The following EYA4 variants were observed in gnomAD, a reference collection of about 807,000 sequenced individuals.
The protein encoded by EYA4 is protein phosphatase EYA4.
A neutral mutation model predicts 87.9 loss-of-function variants in EYA4; 31 were observed. The ratio of observed to expected loss-of-function variants is 0.35; its 90% CI spans 0.27 to 0.48. The LOEUF is 0.48. Ranked by LOEUF, EYA4 falls within the 20% of genes least tolerant of loss-of-function variation. EYA4 has a pLI of 0.99. For synonymous variants in EYA4, 263 were observed against 270.6 expected, an observed-to-expected ratio of 0.97 and a Z score of 0.28; for missense variants, 678 against 761.4, an observed-to-expected ratio of 0.89 and a Z score of 1.29.
chr6:133,320,723 T>A (rs1172586564), intron 2 of EYA4, among the ~76,000 whole-genome samples: 4 of 152,170 alleles, frequency 2.6e-5, no homozygotes, highest in Non-Finnish European at 5.9e-5. Flanking sequence ...TAATTTCATC[T>A]TTATGTTCAT....
chr6:133,354,418 T>G (rs567443213), intron 2 of EYA4, among the ~76,000 whole-genome samples: 90 of 152,262 alleles, frequency 5.9e-4, no homozygotes, highest in African/African-American at 1.8e-3. Flanking sequence ...TTAGTAATAA[T>G]AGAGGAAGAA....
At chr6:133,364,009 T>G (rs928847397) in intron 2 of EYA4, among the ~76,000 whole-genome samples, 4 of 152,234 alleles carry the variant, frequency 2.6e-5, no homozygotes, top group Middle Eastern at 6.3e-3. Flanking sequence ...CTGCCTCACT[T>G]ATGGATCAGC....
At chr6:133,439,196 A>G (rs1448077147) in intron 3 of EYA4, 1 of 151,758 alleles carries the variant, frequency 6.6e-6, no homozygotes, top group Non-Finnish European at 1.5e-5. Flanking sequence ...TTTTGAGCTC[A>G]TCTTTGTTCT....
intron 2 of EYA4, among the ~76,000 whole-genome samples, chr6:133,296,242 G>T (rs1202370260): frequency 6.6e-6 from 1 of 152,216 alleles, no homozygotes; most frequent in East Asian, 1.9e-4. Flanking sequence ...GTTGGGGAGA[G>T]AGTAGAGCAC....
intron 13 of EYA4, among the ~76,000 whole-genome samples, chr6:133,488,082 C>T (rs1796832510): frequency 6.6e-6 from 1 of 152,154 alleles, no homozygotes; most frequent in African/African-American, 2.4e-5. Flanking sequence ...GAATGAACAT[C>T]TGTGATAGCT....
chr6:133,328,527 T>C (rs374710089), intron 2 of EYA4, among the ~76,000 whole-genome samples: 8 of 152,264 alleles, frequency 5.3e-5, no homozygotes, highest in African/African-American at 1.7e-4. Flanking sequence ...AATACTTGGT[T>C]TAAATAACCT....
intron 3 of EYA4, among the ~76,000 whole-genome samples, chr6:133,403,255 A>G (rs558347378): frequency 6.6e-6 from 1 of 152,326 alleles, no homozygotes; most frequent in African/African-American, 2.4e-5. Context: ...GGATTCTAAT[A>G]ACAAAAAAGC....
At chr6:133,462,128 AAATCATTTGTCTATGGTCACTAG>A in intron 7 of EYA4, 184 bp from the exon 8 acceptor site, 2 of 621,514 alleles carry the variant, frequency 3.2e-6, no homozygotes, top group Non-Finnish European at 5.7e-6. Context: ...TAGGGAGTTT[AAATCATTTGTCTATGGTCACTAG>A]ATTGGCTTGT....
chr6:133,416,484 T>G (rs903160925), intron 3 of EYA4, among the ~76,000 whole-genome samples: 5 of 152,184 alleles, frequency 3.3e-5, no homozygotes, highest in Non-Finnish European at 5.9e-5. Flanking sequence ...TGATCTATTT[T>G]AAAATCCTTA....
chr6:133,267,869 TA>T (rs1291564178), intron 1 of EYA4, among the ~76,000 whole-genome samples: 2 of 152,166 alleles, frequency 1.3e-5, no homozygotes, highest in East Asian at 3.9e-4. Context: ...TAATACTGGG[TA>T]AAAGGGCTTA....
intron 2 of EYA4, among the ~76,000 whole-genome samples, chr6:133,297,036 T>C (rs1377839868): frequency 1.3e-5 from 2 of 152,234 alleles, no homozygotes; most frequent in East Asian, 3.8e-4. Context: ...AATTCTTGCA[T>C]TAATTCTTTC....
upstream of EYA4, among the ~76,000 whole-genome samples, chr6:133,240,994 C>G (rs550652120): frequency 5.1e-3 from 778 of 151,978 alleles, 8 homozygotes; most frequent in African/African-American, 0.018. Flanking sequence ...GTCGCGGGTC[C>G]CTCCCCTCAG....
intron 2 of EYA4, among the ~76,000 whole-genome samples, chr6:133,325,604 A>T (rs1430051915): frequency 6.6e-6 from 1 of 152,172 alleles, no homozygotes; most frequent in Non-Finnish European, 1.5e-5. Flanking sequence ...CATTTTTATT[A>T]TCTGTCCTTT....
intron 3 of EYA4, among the ~76,000 whole-genome samples, chr6:133,434,125 G>A (rs1481568002): frequency 5.9e-5 from 9 of 152,146 alleles, no homozygotes; most frequent in African/African-American, 2.2e-4. Context: ...AGTTTGAGAT[G>A]GACTGAGTGG....
At chr6:133,496,151 G>T (rs1201562779) in intron 13 of EYA4, among the ~76,000 whole-genome samples, 1 of 152,152 alleles carries the variant, frequency 6.6e-6, no homozygotes, top group Non-Finnish European at 1.5e-5. Context: ...TCAGGACTTT[G>T]CATTGCTAAT....
chr6:133,406,507 TG>T (rs1190075165), intron 3 of EYA4, among the ~76,000 whole-genome samples: 2 of 152,234 alleles, frequency 1.3e-5, no homozygotes, highest in African/African-American at 4.8e-5. Flanking sequence ...AGGAAAGCTT[TG>T]GTCAGCATTT....
In EYA4 at chr6:133,469,729, A is replaced by G. The variant is rs911914382; in HGVS notation, c.970+998A>G. Among the ~76,000 whole-genome samples the G allele has an allele frequency of 2.0e-5, 3 of 152,042 alleles. 1 individual carries two copies. The highest frequency in any genetic ancestry group is 7.2e-5 in the African/African-American group (3 of 41,430). Reference sequence around the variant, plus strand: ...AGCCTACATCTAAAAAGCTAAAACTATAAAACTTCTAGAAGAAAAAAATGG... The same window carrying G: ...AGCCTACATCTAAAAAGCTAAAACTGTAAAACTTCTAGAAGAAAAAAATGG... On this transcript the variant is annotated intron_variant, in intron 11 of 19. Coordinates refer to ENST00000355286, the MANE Select transcript of EYA4 (RefSeq NM_004100.5).
chr6:133,431,152 G>C (rs1791147084), intron 3 of EYA4, among the ~76,000 whole-genome samples: 1 of 152,082 alleles, frequency 6.6e-6, no homozygotes, highest in African/African-American at 2.4e-5. Context: ...TGAGTGAGGG[G>C]AATCACCTAG....
chr6:133,242,378 TG>T, intron 1 of EYA4, among the ~76,000 whole-genome samples: 1 of 152,344 alleles, frequency 6.6e-6, no homozygotes, highest in African/African-American at 2.4e-5. Context: ...GAATGTCTCC[TG>T]CAGTTTGCCA....
Sources: allele counts gnomAD v4.1 joint callset (sites outside exome capture counted in the v4.1 genomes callset), GRCh38; gene constraint gnomAD v4.1.1; transcripts MANE v1.5; gene names NCBI Gene and HGNC (gene_info 2026-07-23, HGNC 2026-07-21).